SYNE1: variants seen among roughly 807,000 people sequenced by gnomAD.
The protein encoded by SYNE1 is nesprin-1.
SYNE1 carries 616 observed loss-of-function variants against 1,111.0 expected under a neutral mutation model. That is an observed-to-expected ratio of 0.55 (90% CI 0.52 to 0.59). SYNE1 has a LOEUF of 0.59. Ranked by LOEUF, SYNE1 falls within the 20% of genes least tolerant of loss-of-function variation. The pLI, the probability that SYNE1 is intolerant of heterozygous loss-of-function variation, is 0.00. For synonymous variants in SYNE1, 3,855 were observed against 3,825.8 expected, an observed-to-expected ratio of 1.01 and a Z score of -0.28; for missense variants, 10,006 against 10,417.0, an observed-to-expected ratio of 0.96 and a Z score of 1.72.
In SYNE1 at chr6:152,220,983, A is replaced by T; in HGVS notation, c.21720T>A (p.Leu7240=). Residue 7240 remains leucine (L), a synonymous_variant, in exon 119 of 146, where the codon CTT becomes CTA. Coordinates refer to ENST00000367255, the MANE Select transcript of SYNE1 (RefSeq NM_182961.4). ...QLQSSKALLQ[L]WQRYKDYSKQ... ...TGGAGTAGTCCTTGTATCTTTGCCA[A>T]AGCTGAAGTAGGGCCTTGCTGGACT... is the stretch of plus-strand genomic sequence containing the variant. 1.2e-6 allele frequency: 2 copies of T among 1,614,158 alleles called. No homozygotes were observed. The highest frequency in any genetic ancestry group is 2.2e-5 in the South Asian group (2 of 91,084).
chr6:152,184,562 T>A (rs1186039476), intron 128 of SYNE1, among the ~76,000 whole-genome samples: 1 of 152,148 alleles, frequency 6.6e-6, no homozygotes, highest in African/African-American at 2.4e-5. Context: ...ACTTAAGTTT[T>A]AAATTTTTTT....
At chr6:152,519,443 G>A (rs993028006) in intron 6 of SYNE1, among the ~76,000 whole-genome samples, 15 of 152,228 alleles carry the variant, frequency 9.9e-5, no homozygotes, top group South Asian at 2.1e-4. Context: ...AGCTCTTAGC[G>A]GTCAAAGCTA....
At chr6:152,231,606 T>C (rs1048822179) in intron 113 of SYNE1, 39 bp from the exon 114 acceptor site, 1 of 1,599,182 alleles carries the variant, frequency 6.3e-7, no homozygotes. Flanking sequence ...ATACAATAAA[T>C]GTCTCATTAG....
chr6:152,246,939 G>C (rs1485388870), intron 105 of SYNE1, among the ~76,000 whole-genome samples: 2 of 152,216 alleles, frequency 1.3e-5, no homozygotes, highest in Non-Finnish European at 2.9e-5. Flanking sequence ...TCAATAAAGT[G>C]TGAACATGGT....
intron 130 of SYNE1, chr6:152,168,077 C>T (rs1387434421): frequency 1.3e-6 from 1 of 780,744 alleles, no homozygotes; most frequent in Non-Finnish European, 2.4e-6. Context: ...AACATGAAAG[C>T]TATGTACAAT....
chr6:152,578,842 A>C (rs1162990829), intron 3 of SYNE1, among the ~76,000 whole-genome samples: 1 of 152,080 alleles, frequency 6.6e-6, no homozygotes, highest in Non-Finnish European at 1.5e-5. Context: ...TATTTCATTA[A>C]CTTTTTATTT....
At chr6:152,354,165 A>T (rs2096793933) in intron 67 of SYNE1, among the ~76,000 whole-genome samples, 2 of 152,126 alleles carry the variant, frequency 1.3e-5, no homozygotes, top group South Asian at 4.1e-4. Context: ...AAATAAATAA[A>T]CATGAAAACA....
chr6:152,271,995 G>C (rs1005653758), intron 98 of SYNE1, among the ~76,000 whole-genome samples: 1 of 152,232 alleles, frequency 6.6e-6, no homozygotes, highest in African/African-American at 2.4e-5. Flanking sequence ...ATTGAGAGAG[G>C]TTGGCTCAAG....
At chr6:152,570,250 C>G (rs1323568963) in intron 3 of SYNE1, among the ~76,000 whole-genome samples, 1 of 152,126 alleles carries the variant, frequency 6.6e-6, no homozygotes, top group African/African-American at 2.4e-5. Context: ...AGTTTATTTC[C>G]TCTATATTAT....
intron 131 of SYNE1, among the ~76,000 whole-genome samples, chr6:152,160,381 G>A (rs574235082): frequency 3.9e-5 from 6 of 152,226 alleles, no homozygotes; most frequent in Admixed American, 1.3e-4. Context: ...GGCTCCTCCT[G>A]GAAACATCCC....
intron 28 of SYNE1, among the ~76,000 whole-genome samples, chr6:152,449,324 G>A (rs1044891367): frequency 7.2e-5 from 11 of 152,270 alleles, no homozygotes; most frequent in African/African-American, 2.4e-4. Flanking sequence ...GTGGCACCAC[G>A]GAGCATGACT....
intron 33 of SYNE1, 32 bp downstream of exon 33, chr6:152,435,909 A>G: frequency 6.2e-7 from 1 of 1,612,524 alleles, no homozygotes; most frequent in Non-Finnish European, 8.5e-7. Flanking sequence ...TTTATCTCAG[A>G]GAAGAAAGTT....
intron 34 of SYNE1, 113 bp downstream of exon 34, chr6:152,433,682 G>A (rs1421550818): frequency 6.4e-6 from 8 of 1,246,576 alleles, no homozygotes; most frequent in Non-Finnish European, 8.1e-6. Context: ...AATTTTAATA[G>A]TCACATTGCA....
chr6:152,196,163 C>A (rs1269854072), intron 127 of SYNE1, among the ~76,000 whole-genome samples: 1 of 152,132 alleles, frequency 6.6e-6, no homozygotes, highest in African/African-American at 2.4e-5. Flanking sequence ...CTGGAACTTA[C>A]CCTTCAGGGG....
At chr6:152,253,767 G>A (rs1237042243) in intron 104 of SYNE1, among the ~76,000 whole-genome samples, 8 of 138,278 alleles carry the variant, frequency 5.8e-5, no homozygotes, top group East Asian at 4.5e-4. Context: ...TTTGTGCCTC[G>A]TGAAAATTCC....
Position 152,231,551 on chromosome 6 carries a change from A to G in SYNE1, c.20879T>C (p.Ile6960Thr), listed in dbSNP as rs1258722335. 7 of 1,614,122 alleles carry G rather than the reference A, an allele frequency of 4.3e-6. No individual in the cohort carries two copies. The highest frequency in any genetic ancestry group is 3.3e-5 in the South Asian group (3 of 91,080). The stretch of plus-strand genomic sequence containing the variant: ...ATCCACTGTCAGCTGTTTACAGTTA[A>G]TGTCTATCTTAAAACCCTAAAAAAA... ...LQKYKGFKID[I>T]NCKQLTVDFV... The change falls in exon 114 of 146, where the codon ATT becomes ACT. Residue 6960 changes from isoleucine to threonine, a missense_variant. Ile to Thr is a moderately conservative substitution (Grantham distance 89). Coordinates refer to ENST00000367255, the MANE Select transcript of SYNE1 (RefSeq NM_182961.4).
At chr6:152,426,433 G>A (rs192472514) in intron 38 of SYNE1, among the ~76,000 whole-genome samples, 3 of 152,346 alleles carry the variant, frequency 2.0e-5, no homozygotes, top group Admixed American at 6.5e-5. Context: ...CCAGGAGGTA[G>A]GAATGCACAA....
chr6:152,468,715 C>A (rs75851819), intron 16 of SYNE1, among the ~76,000 whole-genome samples: 5,576 of 152,144 alleles, frequency 0.037, 140 homozygotes, highest in Non-Finnish European at 0.056. Flanking sequence ...AAATTTATGG[C>A]CTGAATATTA....
At chr6:152,393,646 AT>A (rs1025412474) in intron 51 of SYNE1, among the ~76,000 whole-genome samples, 1 of 152,036 alleles carries the variant, frequency 6.6e-6, no homozygotes, top group African/African-American at 2.4e-5. Context: ...GTTCCAATGT[AT>A]TTCAGGGACA....
Sources: allele counts gnomAD v4.1 joint callset (sites outside exome capture counted in the v4.1 genomes callset), GRCh38; gene constraint gnomAD v4.1.1; transcripts MANE v1.5; gene names NCBI Gene and HGNC (gene_info 2026-07-23, HGNC 2026-07-21).